Variants in OTOGL observed in about 807,000 individuals in gnomAD.
OTOGL encodes the protein otogelin-like protein.
OTOGL carries 285 observed loss-of-function variants against 318.5 expected under a neutral mutation model. That is an observed-to-expected ratio of 0.89 (90% CI 0.81 to 0.99). The LOEUF (loss-of-function observed/expected upper bound fraction) is 0.99, where lower values mean the gene tolerates loss of function less well. Ranked by LOEUF, OTOGL falls within the 50% of genes least tolerant of loss-of-function variation. The probability of loss-of-function intolerance (pLI) is 0.00; values close to 1 mark genes in which losing one functional copy is unlikely to be tolerated. For missense variants in OTOGL, 2,899 were observed against 2,845.6 expected (o/e 1.02, Z -0.43); for synonymous variants, 987 against 936.5 (o/e 1.05, Z -0.99).
chr12:80,322,225 A>G (rs1317070437), intron 34 of OTOGL, among the ~76,000 whole-genome samples: 1 of 152,196 alleles, frequency 6.6e-6, no homozygotes, highest in Non-Finnish European at 1.5e-5. Context: ...TGACATATCT[A>G]TATAGCATTC....
At chr12:80,287,650 A>G (rs1469362023) in intron 26 of OTOGL, among the ~76,000 whole-genome samples, 2 of 152,012 alleles carry the variant, frequency 1.3e-5, no homozygotes, top group Admixed American at 6.6e-5. Context: ...ACCATTAAGT[A>G]TATCTTTCTT....
intron 32 of OTOGL, among the ~76,000 whole-genome samples, chr12:80,316,003 AT>A (rs1565978681): frequency 5.9e-5 from 9 of 152,116 alleles, no homozygotes; most frequent in African/African-American, 9.7e-5. Flanking sequence ...TCTAGATCAT[AT>A]AATTTAAACT....
At chr12:80,282,251 A>G (rs1884287207) in intron 26 of OTOGL, among the ~76,000 whole-genome samples, 1 of 151,894 alleles carries the variant, frequency 6.6e-6, no homozygotes, top group Non-Finnish European at 1.5e-5. Flanking sequence ...TGACTTTTAT[A>G]TTATTAGAGG....
At chr12:80,122,802 A>G (rs1393446529) in intron 1 of OTOGL, among the ~76,000 whole-genome samples, 2 of 152,178 alleles carry the variant, frequency 1.3e-5, no homozygotes, top group East Asian at 1.9e-4. Context: ...TTTCATTTCT[A>G]TGACTTGGAA....
In OTOGL at chr12:80,270,102, C is replaced by G; in HGVS notation, c.2466C>G (p.Cys822Trp). The change falls in exon 23 of 59, where the codon TGC becomes TGG. Residue 822 changes from cysteine to tryptophan, a missense_variant and splice_region_variant. Around this residue, in one of 3 missense-constraint regions of OTOGL, gnomAD observed 2,607 missense variants for 2,524.9 expected, o/e 1.03. Coordinates refer to ENST00000547103, the MANE Select transcript of OTOGL (RefSeq NM_001378609.3). ...GELIPTPSGL[C>W]QCSNGTVKCD... Reference sequence around the variant, plus strand: ...AAATTAACTATTTATTTACTTCTAGCCAGTGTTCAAATGGGACTGTGAAAT... The same window carrying G: ...AAATTAACTATTTATTTACTTCTAGGCAGTGTTCAAATGGGACTGTGAAAT... 3 of 1,596,196 alleles carry G rather than the reference C, an allele frequency of 1.9e-6. No individual in the cohort carries two copies. The highest frequency in any genetic ancestry group is 2.6e-6 in the Non-Finnish European group (3 of 1,165,636).
intron 44 of OTOGL, among the ~76,000 whole-genome samples, chr12:80,348,304 G>A (rs1025032405): frequency 2.0e-5 from 3 of 152,148 alleles, no homozygotes; most frequent in African/African-American, 7.2e-5. Context: ...TATATAAGGT[G>A]TAAGGAGGGG....
intron 32 of OTOGL, among the ~76,000 whole-genome samples, chr12:80,315,968 A>T (rs1195581624): frequency 6.6e-6 from 1 of 152,116 alleles, no homozygotes; most frequent in Non-Finnish European, 1.5e-5. Context: ...TAACAACAGT[A>T]GCTTTTGTTG....
chr12:80,183,807 TG>T (rs1458401703), intron 1 of OTOGL, among the ~76,000 whole-genome samples: 4 of 152,190 alleles, frequency 2.6e-5, no homozygotes, highest in Non-Finnish European at 1.5e-5. Flanking sequence ...TTAGGGCAGA[TG>T]GAGATGAACA....
chr12:80,366,922 T>A (rs1481406467), intron 53 of OTOGL, among the ~76,000 whole-genome samples: 4 of 151,952 alleles, frequency 2.6e-5, no homozygotes, highest in Admixed American at 2.0e-4. Flanking sequence ...ACATTTAATT[T>A]AAAAATATAG....
intron 1 of OTOGL, among the ~76,000 whole-genome samples, chr12:80,125,466 C>T (rs929871772): frequency 6.6e-5 from 10 of 152,104 alleles, no homozygotes; most frequent in African/African-American, 1.4e-4. Flanking sequence ...ATTTTTGCAT[C>T]GATGTTCATC....
At chr12:80,173,173 T>C (rs1408956791) in intron 1 of OTOGL, among the ~76,000 whole-genome samples, 2 of 103,340 alleles carry the variant, frequency 1.9e-5, no homozygotes, top group African/African-American at 1.1e-4. Flanking sequence ...TTCATATGCC[T>C]TTTTTTTTTT....
At chr12:80,327,875 C>T (rs1054602804) in intron 35 of OTOGL, among the ~76,000 whole-genome samples, 16 of 137,436 alleles carry the variant, frequency 1.2e-4, no homozygotes, top group Non-Finnish European at 3.0e-5. Flanking sequence ...AGGAGAATGG[C>T]ATGAATCCGG....
At chr12:80,223,779 TG>T (rs1443065217) in intron 7 of OTOGL, among the ~76,000 whole-genome samples, 1 of 152,166 alleles carries the variant, frequency 6.6e-6, no homozygotes, top group Non-Finnish European at 1.5e-5. Context: ...TGGAATTGTT[TG>T]TTTTTTTCTT....
At chr12:80,226,223 C>CACACACACACACACA (rs1878838848) in intron 7 of OTOGL, among the ~76,000 whole-genome samples, 1 of 147,424 alleles carries the variant, frequency 6.8e-6, no homozygotes, top group Non-Finnish European at 1.5e-5. Context: ...CACACACACA[C>CACACACACACACACA]TTCCCTTCAC....
At chr12:80,141,087 G>T (rs1871906776) in intron 1 of OTOGL, among the ~76,000 whole-genome samples, 2 of 152,208 alleles carry the variant, frequency 1.3e-5, no homozygotes, top group South Asian at 4.1e-4. Flanking sequence ...TTGAAGCATG[G>T]TGATCTTTTT....
chr12:80,184,637 G>C (rs1438909189), intron 1 of OTOGL, among the ~76,000 whole-genome samples: 1 of 152,124 alleles, frequency 6.6e-6, no homozygotes, highest in Non-Finnish European at 1.5e-5. Flanking sequence ...GAGATAATCT[G>C]AGTGGGCCCC....
intron 1 of OTOGL, among the ~76,000 whole-genome samples, chr12:80,152,073 T>G (rs1177007665): frequency 6.6e-6 from 1 of 152,118 alleles, no homozygotes; most frequent in Non-Finnish European, 1.5e-5. Context: ...AACAGTACAT[T>G]CCATCTTAGA....
At chr12:80,152,549 C>A (rs1299614016) in intron 1 of OTOGL, among the ~76,000 whole-genome samples, 1 of 152,096 alleles carries the variant, frequency 6.6e-6, no homozygotes, top group African/African-American at 2.4e-5. Flanking sequence ...TGTAGGAACT[C>A]AAGAGTAAAA....
chr12:80,216,302 C>T (rs1472272463), intron 4 of OTOGL, among the ~76,000 whole-genome samples: 1 of 152,180 alleles, frequency 6.6e-6, no homozygotes, highest in Non-Finnish European at 1.5e-5. Context: ...TCCCATCCTT[C>T]TTATCTTTCC....
Sources: allele counts gnomAD v4.1 joint callset (sites outside exome capture counted in the v4.1 genomes callset), GRCh38; gene constraint gnomAD v4.1.1; regional missense constraint gnomAD v4.1.1; transcripts MANE v1.5; gene names NCBI Gene and HGNC (gene_info 2026-07-23, HGNC 2026-07-21).